The following HPSE2 variants were observed in gnomAD, a reference collection of about 807,000 sequenced individuals.
HPSE2 encodes the protein heparanase 2 (inactive).
HPSE2 carries 38 observed loss-of-function variants against 60.5 expected under a neutral mutation model. The observed-to-expected ratio is 0.63, with a 90% CI of 0.48 to 0.82. HPSE2 has a LOEUF of 0.82. HPSE2 is among the 40% of genes least tolerant of loss of function. The probability of loss-of-function intolerance (pLI) is 0.00; values close to 1 mark genes in which losing one functional copy is unlikely to be tolerated. For missense variants in HPSE2, 713 were observed against 740.4 expected, an observed-to-expected ratio of 0.96 and a Z score of 0.43; for synonymous variants, 295 against 293.2, an observed-to-expected ratio of 1.01 and a Z score of -0.06.
At chr10:99,113,738 C>T (rs1274187607) in intron 3 of HPSE2, among the ~76,000 whole-genome samples, 2 of 151,938 alleles carry the variant, frequency 1.3e-5, no homozygotes, top group Admixed American at 6.6e-5. Flanking sequence ...TTTTTAATAA[C>T]AGACTTTTTT....
chr10:98,875,486 G>A (rs1358178501), intron 3 of HPSE2, among the ~76,000 whole-genome samples: 2 of 151,722 alleles, frequency 1.3e-5, no homozygotes, highest in African/African-American at 2.4e-5. Flanking sequence ...GGAAGAAGTC[G>A]AATCCCTGAA....
chr10:99,040,868 C>T (rs1246179285), intron 3 of HPSE2, among the ~76,000 whole-genome samples: 1 of 152,112 alleles, frequency 6.6e-6, no homozygotes, highest in African/African-American at 2.4e-5. Context: ...GAGCGGATCA[C>T]AAGATCAGGA....
intron 3 of HPSE2, among the ~76,000 whole-genome samples, chr10:98,869,534 T>C (rs1049536498): frequency 6.6e-6 from 1 of 152,118 alleles, no homozygotes; most frequent in Non-Finnish European, 1.5e-5. Flanking sequence ...TTTCATTCTA[T>C]TGTAATTAAG....
chr10:99,277,967 C>A, the HPSE2 span, among the ~76,000 whole-genome samples: 1 of 151,578 alleles, frequency 6.6e-6, no homozygotes, highest in Non-Finnish European at 1.5e-5. Flanking sequence ...CGTGGTGGTG[C>A]GCACCTGTAA....
chr10:98,953,739 C>T (rs778699927), intron 3 of HPSE2, among the ~76,000 whole-genome samples: 35 of 152,044 alleles, frequency 2.3e-4, no homozygotes, highest in Admixed American at 5.2e-4. Context: ...AGCAGGGAAA[C>T]TGGTTAAAAA....
intron 2 of HPSE2, among the ~76,000 whole-genome samples, chr10:99,145,629 G>A (rs920810217): frequency 2.6e-5 from 4 of 152,006 alleles, no homozygotes; most frequent in Non-Finnish European, 4.4e-5. Flanking sequence ...TTCAAGTTTT[G>A]CATAACAAAA....
chr10:98,462,221 C>T (rs1940323671), intron 11 of HPSE2, among the ~76,000 whole-genome samples: 1 of 152,084 alleles, frequency 6.6e-6, no homozygotes, highest in Admixed American at 6.5e-5. Flanking sequence ...ATCTGTTGCC[C>T]AGGCTGCAGT....
intron 3 of HPSE2, among the ~76,000 whole-genome samples, chr10:98,788,844 T>A (rs576550004): frequency 2.0e-5 from 3 of 151,398 alleles, no homozygotes; most frequent in Admixed American, 1.3e-4. Context: ...ACCCACTGTC[T>A]GGCACTCCCT....
At chr10:98,667,455 A>G (rs917790820) in intron 6 of HPSE2, among the ~76,000 whole-genome samples, 5 of 152,146 alleles carry the variant, frequency 3.3e-5, no homozygotes, top group Admixed American at 1.3e-4. Flanking sequence ...TGATACCAAA[A>G]TCTGGCAGAG....
intron 3 of HPSE2, among the ~76,000 whole-genome samples, chr10:98,905,154 ACTT>A (rs999176515): frequency 1.1e-4 from 16 of 152,096 alleles, no homozygotes; most frequent in African/African-American, 2.2e-4. Flanking sequence ...ACTAACAAGT[ACTT>A]CTTCTTTTTT....
chr10:99,179,630 C>T (rs1377308309), intron 2 of HPSE2, among the ~76,000 whole-genome samples: 1 of 152,010 alleles, frequency 6.6e-6, no homozygotes, highest in Non-Finnish European at 1.5e-5. Context: ...AATGGAAAAA[C>T]ATTCCATGCT....
chr10:99,044,980 C>A (rs1305726914), intron 3 of HPSE2, among the ~76,000 whole-genome samples: 1 of 152,052 alleles, frequency 6.6e-6, no homozygotes, highest in East Asian at 1.9e-4. Context: ...TACAAAGAAA[C>A]TATGGACTCA....
chr10:99,011,740 G>A (rs1957020339), intron 3 of HPSE2, among the ~76,000 whole-genome samples: 1 of 97,434 alleles, frequency 1.0e-5, no homozygotes, highest in Admixed American at 1.7e-4. Flanking sequence ...TGGCGACAGA[G>A]CAAGACTCCA....
At chr10:99,075,286 A>G (rs1479220212) in intron 3 of HPSE2, among the ~76,000 whole-genome samples, 2 of 152,026 alleles carry the variant, frequency 1.3e-5, no homozygotes, top group Non-Finnish European at 2.9e-5. Flanking sequence ...TCTTTGATCC[A>G]TTAGCTCTTC....
chr10:99,256,421 T>C, the HPSE2 span, among the ~76,000 whole-genome samples: 6 of 17,074 alleles, frequency 3.5e-4, no homozygotes, highest in Non-Finnish European at 1.3e-4. Flanking sequence ...GTCCTTATGA[T>C]ATGCCAGCCC....
chr10:99,216,072 T>G (rs1849111012), intron 2 of HPSE2, among the ~76,000 whole-genome samples: 1 of 152,202 alleles, frequency 6.6e-6, no homozygotes. Flanking sequence ...CTAAAAAATG[T>G]TTGTCATGCA....
intron 6 of HPSE2, among the ~76,000 whole-genome samples, chr10:98,669,125 T>C (rs746286149): frequency 8.8e-5 from 6 of 68,326 alleles, no homozygotes; most frequent in Non-Finnish European, 2.2e-4. Flanking sequence ...CTCACAAACA[T>C]ATTAAAAAAT....
At chr10:98,723,268 A>C (rs539440756) in intron 4 of HPSE2, among the ~76,000 whole-genome samples, 1 of 152,288 alleles carries the variant, frequency 6.6e-6, no homozygotes, top group South Asian at 2.1e-4. Flanking sequence ...GATTACATTT[A>C]CTGATTTTTG....
chr10:98,556,535 C>T (rs1944013330), intron 9 of HPSE2, among the ~76,000 whole-genome samples: 1 of 152,128 alleles, frequency 6.6e-6, no homozygotes, highest in Non-Finnish European at 1.5e-5. Flanking sequence ...CTACCAACAA[C>T]TATGAAGAAA....
Sources: gnomAD v4.1 joint callset for allele counts (sites outside exome capture counted in the v4.1 genomes callset) on GRCh38, gnomAD v4.1.1 for gene constraint, MANE v1.5 for transcripts, NCBI Gene and HGNC (gene_info 2026-07-23, HGNC 2026-07-21) for gene names.